The following FGF1 variants were observed in gnomAD, a reference collection of about 807,000 sequenced individuals.
The protein encoded by FGF1 is beta-endothelial cell growth factor.
In FGF1, 9 loss-of-function variants were observed where a neutral mutation model predicts 13.4. The observed-to-expected ratio is 0.67, with a 90% confidence interval of 0.40 to 1.17. FGF1 has a LOEUF of 1.17. Among genes scored for constraint, FGF1 ranks in the 50% most tolerant of loss-of-function variants. FGF1 has a pLI of 0.01. For synonymous variants in FGF1, 93 were observed against 79.0 expected (o/e 1.18, Z -0.94); for missense variants, 156 against 192.7 (o/e 0.81, Z 1.13).
intron 1 of FGF1, among the ~76,000 whole-genome samples, chr5:142,627,862 TG>T (rs1762723528): frequency 6.6e-6 from 1 of 152,220 alleles, no homozygotes. Context: ...TCCATGTACT[TG>T]CCAGCTCCCT....
intron 1 of FGF1, among the ~76,000 whole-genome samples, chr5:142,633,364 CT>C (rs1178691167): frequency 6.6e-6 from 1 of 152,192 alleles, no homozygotes; most frequent in Non-Finnish European, 1.5e-5. Context: ...CTTTTACAGG[CT>C]TGAGTTCCAT....
intron 1 of FGF1, among the ~76,000 whole-genome samples, chr5:142,641,699 TA>T (rs1420113590): frequency 6.6e-6 from 1 of 152,102 alleles, no homozygotes; most frequent in African/African-American, 2.4e-5. Context: ...TAAACAGTGT[TA>T]TTTCCATTTT....
At position 142,678,619 on chromosome 5, in the gene FGF1, C is replaced by T. The variant is rs543230248; in HGVS notation, c.-35+7338G>A. Among the ~76,000 whole-genome samples, 16 of 152,328 alleles carry T rather than the reference C, an allele frequency of 1.1e-4. No individual in the cohort carries two copies. The East Asian group carries it at 1.5e-3, about 15-fold the overall frequency. ...CCCCCAGTGCTCTCATGGGCTCTGC[C>T]TGGACTAATCTCTGCCATTCGCCAC... On this transcript the variant is annotated intron_variant, in intron 1 of 3. Coordinates refer to ENST00000337706, the MANE Select transcript of FGF1 (RefSeq NM_000800.5).
At chr5:142,622,203 T>C (rs1403814443) in intron 1 of FGF1, among the ~76,000 whole-genome samples, 1 of 152,230 alleles carries the variant, frequency 6.6e-6, no homozygotes, top group Admixed American at 6.5e-5. Flanking sequence ...GTAATTTAAC[T>C]ACGTTTACTT....
chr5:142,640,719 A>G (rs1354688831), intron 1 of FGF1, among the ~76,000 whole-genome samples: 1 of 152,032 alleles, frequency 6.6e-6, no homozygotes, highest in Non-Finnish European at 1.5e-5. Flanking sequence ...TGCTGCCTCC[A>G]TCTGAACCTG....
At chr5:142,596,593 T>TA (rs1488889288) in intron 3 of FGF1, among the ~76,000 whole-genome samples, 12 of 151,628 alleles carry the variant, frequency 7.9e-5, no homozygotes, top group African/African-American at 2.7e-4. Context: ...TTTTTTTTTT[T>TA]AATTAGCTAG....
intron 1 of FGF1, among the ~76,000 whole-genome samples, chr5:142,645,911 T>G (rs1327188529): frequency 1.3e-5 from 2 of 152,190 alleles, no homozygotes; most frequent in South Asian, 2.1e-4. Context: ...TTTTTGTTTT[T>G]TTTGTTTGTT....
At chr5:142,675,493 C>T (rs924024520) in intron 1 of FGF1, among the ~76,000 whole-genome samples, 2 of 152,154 alleles carry the variant, frequency 1.3e-5, no homozygotes, top group Non-Finnish European at 1.5e-5. Flanking sequence ...ACATTGATCA[C>T]CACTGGGTTT....
intron 1 of FGF1, among the ~76,000 whole-genome samples, chr5:142,642,579 G>C (rs921704566): frequency 2.0e-5 from 3 of 152,212 alleles, no homozygotes; most frequent in African/African-American, 4.8e-5. Context: ...TCTGGGTAAA[G>C]GACAAGAATG....
At chr5:142,693,647 A>AC (rs566165966) in intron 2 of FGF1, among the ~76,000 whole-genome samples, 16 of 151,864 alleles carry the variant, frequency 1.1e-4, no homozygotes, top group South Asian at 4.2e-4. Flanking sequence ...TATTTTTGTC[A>AC]CCCCCCAAAG....
rs1315041499 is a variant in FGF1, at chr5:142,592,221, C to T, written c.*3069G>A. ...TTTATTAATATTTGTAAGGTGCAGA[C>T]TATGATACACAAAAAGACAGTGATG... On this transcript the variant is annotated 3_prime_UTR_variant, in exon 4 of 4. Coordinates refer to ENST00000337706, the MANE Select transcript of FGF1 (RefSeq NM_000800.5). 2.5e-6 allele frequency: 1 copy of T among 397,240 alleles called. No homozygotes were observed. The highest frequency in any genetic ancestry group is 2.1e-5 in the African/African-American group (1 of 48,596). The allele number at this position is 397,240 out of a possible 1,614,324, so 24.6% of individuals were successfully genotyped here. A position where few individuals can be genotyped will look rare whatever the true frequency, so the allele number is the denominator to read the frequency against.
At chr5:142,651,075 G>A (rs890363374) in intron 1 of FGF1, among the ~76,000 whole-genome samples, 6 of 152,186 alleles carry the variant, frequency 3.9e-5, no homozygotes, top group Non-Finnish European at 8.8e-5. Flanking sequence ...TTTGCTCAGA[G>A]AGAGGTGAAG....
At chr5:142,653,672 C>T (rs1767660725) in intron 1 of FGF1, among the ~76,000 whole-genome samples, 2 of 152,208 alleles carry the variant, frequency 1.3e-5, no homozygotes, top group Non-Finnish European at 2.9e-5. Flanking sequence ...CCTCCTCTAC[C>T]CCTCAGCTCT....
chr5:142,611,286 G>A (rs373856441), intron 2 of FGF1, among the ~76,000 whole-genome samples: 1 of 152,148 alleles, frequency 6.6e-6, no homozygotes, highest in Non-Finnish European at 1.5e-5. Context: ...GAGTACATCC[G>A]TGCCCAGGAC....
At chr5:142,647,376 T>C (rs1766353440) in intron 1 of FGF1, among the ~76,000 whole-genome samples, 1 of 152,232 alleles carries the variant, frequency 6.6e-6, no homozygotes, top group South Asian at 2.1e-4. Context: ...GTCACTTCTC[T>C]AAAAATCTTT....
chr5:142,623,032 T>A lies in FGF1; in HGVS notation c.-34-8871A>T, dbSNP rs113907050. ...AGGAATTTTACTATTATTAAACCAT[T>A]AATATCTTGAAATCAACCCTGGTGA... On this transcript the variant is annotated intron_variant, in intron 1 of 3. Coordinates refer to ENST00000337706, the MANE Select transcript of FGF1 (RefSeq NM_000800.5). Among the ~76,000 whole-genome samples the A allele has an allele frequency of 6.6e-3, 1,006 of 152,370 alleles. 6 individuals carry two copies. Among genetic ancestry groups the A allele is most frequent in the Non-Finnish European group, 0.011 (770 of 68,034 alleles).
At chr5:142,629,093 C>G (rs1402232329) in intron 1 of FGF1, among the ~76,000 whole-genome samples, 2 of 152,118 alleles carry the variant, frequency 1.3e-5, no homozygotes, top group Non-Finnish European at 2.9e-5. Flanking sequence ...CTGTTCCAAC[C>G]TTTCCAGTTA....
chr5:142,692,949 A>G (rs1302078904), intron 2 of FGF1, among the ~76,000 whole-genome samples: 3 of 152,244 alleles, frequency 2.0e-5, no homozygotes, highest in Admixed American at 6.5e-5. Flanking sequence ...AACATTAGTT[A>G]ATAAGATTTA....
intron 1 of FGF1, among the ~76,000 whole-genome samples, chr5:142,636,799 A>T (rs987823755): frequency 1.4e-4 from 21 of 151,930 alleles, no homozygotes; most frequent in African/African-American, 5.1e-4. Flanking sequence ...TACTTGGGGG[A>T]ACTGAACAGA....
Sources: allele counts gnomAD v4.1 joint callset (sites outside exome capture counted in the v4.1 genomes callset), GRCh38; gene constraint gnomAD v4.1.1; transcripts MANE v1.5; gene names NCBI Gene and HGNC (gene_info 2026-07-23, HGNC 2026-07-21).